TOX: variants seen among roughly 807,000 people sequenced by gnomAD.
TOX encodes the protein thymocyte selection-associated high mobility group box protein TOX.
Under a neutral mutation model 53.7 loss-of-function variants are expected in TOX, and 11 were observed. That is an observed-to-expected ratio of 0.20 (90% CI 0.13 to 0.34). The LOEUF is 0.34. Ranked by LOEUF, TOX falls within the 10% of genes least tolerant of loss-of-function variation. The pLI is 1.00. For synonymous variants in TOX, 225 were observed against 245.3 expected (o/e 0.92, Z 0.77); for missense variants, 570 against 664.6 (o/e 0.86, Z 1.56).
chr8:58,912,265 T>C (rs1486353037), intron 3 of TOX, among the ~76,000 whole-genome samples: 2 of 152,234 alleles, frequency 1.3e-5, no homozygotes, highest in African/African-American at 4.8e-5. Flanking sequence ...TCAGATAGGA[T>C]ATTTTGCCCT....
At chr8:59,015,149 G>T (rs2129418982) in intron 1 of TOX, among the ~76,000 whole-genome samples, 1 of 152,288 alleles carries the variant, frequency 6.6e-6, no homozygotes, top group African/African-American at 2.4e-5. Flanking sequence ...CCCTGGACGG[G>T]ACAGCCAGTC....
chr8:58,986,070 G>T (rs1813323234), intron 1 of TOX, among the ~76,000 whole-genome samples: 1 of 152,158 alleles, frequency 6.6e-6, no homozygotes, highest in Admixed American at 6.5e-5. Context: ...GTTCTAGTCT[G>T]AGTGCACTTT....
chr8:59,006,487 G>C (rs187524340), intron 1 of TOX, among the ~76,000 whole-genome samples: 2 of 152,238 alleles, frequency 1.3e-5, no homozygotes, highest in African/African-American at 2.4e-5. Flanking sequence ...GTTGTAATTA[G>C]GTACATGTTT....
intron 4 of TOX, among the ~76,000 whole-genome samples, chr8:58,841,241 C>T (rs560979352): frequency 2.0e-5 from 3 of 152,228 alleles, no homozygotes; most frequent in South Asian, 2.1e-4. Context: ...ATTCATAGCA[C>T]GTATCAAGCT....
At chr8:59,031,845 C>T (rs1814362864) in intron 1 of TOX, among the ~76,000 whole-genome samples, 1 of 152,022 alleles carries the variant, frequency 6.6e-6, no homozygotes, top group Non-Finnish European at 1.5e-5. Flanking sequence ...GAGAAAAATA[C>T]AAAATGAGAT....
rs563832861 is a variant in TOX at position 59,071,886 on chromosome 8, C to A, written c.102+47000G>T. 2.6e-5 allele frequency among the ~76,000 whole-genome samples: 4 copies of A among 152,240 alleles called. 1 individual carries two copies. In the South Asian group the frequency reaches 8.3e-4, roughly 32 times the overall value. ...AAAGGAAATTCCAATCATTTTAATTCTTCTATTTTCTTAAGTTTTCATGTT... is the reference window on the plus strand; with the variant it reads ...AAAGGAAATTCCAATCATTTTAATTATTCTATTTTCTTAAGTTTTCATGTT... On this transcript the variant is annotated intron_variant, in intron 1 of 8. Transcript: ENST00000361421.
chr8:59,052,101 G>A (rs1005800782), intron 1 of TOX, among the ~76,000 whole-genome samples: 2 of 152,072 alleles, frequency 1.3e-5, no homozygotes, highest in African/African-American at 4.8e-5. Flanking sequence ...GATGAGATCC[G>A]AATATATGAG....
At chr8:58,969,381 T>A (rs7841515) in intron 1 of TOX, among the ~76,000 whole-genome samples, 143,936 of 152,308 alleles carry the variant, frequency 0.95, 68,067 homozygotes, top group East Asian at 1. Flanking sequence ...AAGCTCTGTT[T>A]ACATATCTTT....
intron 3 of TOX, among the ~76,000 whole-genome samples, chr8:58,869,882 G>GA (rs138317126): frequency 0.016 from 2,394 of 146,860 alleles, 77 homozygotes; most frequent in East Asian, 0.12. Context: ...CACCATGCAT[G>GA]AAAAAAAAAA....
At chr8:58,905,425 C>T (rs554263247) in intron 3 of TOX, among the ~76,000 whole-genome samples, 12 of 152,194 alleles carry the variant, frequency 7.9e-5, no homozygotes, top group Middle Eastern at 3.4e-3. Context: ...TGAAAGGTGG[C>T]CTTTGGAAAA....
intron 1 of TOX, among the ~76,000 whole-genome samples, chr8:59,100,580 T>TAC (rs1461810242): frequency 6.6e-6 from 1 of 152,218 alleles, no homozygotes; most frequent in Non-Finnish European, 1.5e-5. Flanking sequence ...TAAGAAAATA[T>TAC]GAGATTCACG....
intron 4 of TOX, among the ~76,000 whole-genome samples, chr8:58,850,817 A>T (rs956420899): frequency 6.6e-6 from 1 of 152,220 alleles, no homozygotes; most frequent in Non-Finnish European, 1.5e-5. Context: ...AAAGTTAACC[A>T]TGTATATCAG....
intron 1 of TOX, among the ~76,000 whole-genome samples, chr8:59,046,651 A>C (rs1441391294): frequency 6.6e-6 from 1 of 152,112 alleles, no homozygotes; most frequent in Admixed American, 6.6e-5. Context: ...TGAAGTCCAG[A>C]GTTCAAGACC....
At chr8:59,048,933 T>G (rs1409185622) in intron 1 of TOX, among the ~76,000 whole-genome samples, 2 of 152,156 alleles carry the variant, frequency 1.3e-5, no homozygotes, top group East Asian at 3.8e-4. Context: ...TGAAATATGG[T>G]TATTGAAAAT....
At chr8:58,810,558 TC>T (rs928943445) in intron 7 of TOX, among the ~76,000 whole-genome samples, 4 of 151,210 alleles carry the variant, frequency 2.6e-5, no homozygotes, top group African/African-American at 7.3e-5. Context: ...TCGCCATATT[TC>T]CCAGGCTCAT....
At chr8:59,020,775 T>A (rs973729676) in intron 1 of TOX, among the ~76,000 whole-genome samples, 2 of 152,182 alleles carry the variant, frequency 1.3e-5, no homozygotes, top group Admixed American at 1.3e-4. Context: ...ATAAGTATAG[T>A]AAACTTCCCA....
At chr8:58,926,431 G>A (rs557860364) in intron 3 of TOX, among the ~76,000 whole-genome samples, 3 of 152,250 alleles carry the variant, frequency 2.0e-5, no homozygotes, top group African/African-American at 7.2e-5. Flanking sequence ...ATTCTTGAAC[G>A]GGAATGAAGA....
chr8:58,967,487 T>C (rs1245204553), intron 1 of TOX, among the ~76,000 whole-genome samples: 3 of 152,172 alleles, frequency 2.0e-5, no homozygotes, highest in Non-Finnish European at 2.9e-5. Context: ...ACTGTTCCCA[T>C]GTAGCCTCCA....
chr8:58,955,734 T>TC (rs1812699422), intron 2 of TOX, among the ~76,000 whole-genome samples: 1 of 126,106 alleles, frequency 7.9e-6, no homozygotes, highest in South Asian at 2.4e-4. Flanking sequence ...AAAGGACACT[T>TC]TTTTTTTTTT....
Sources: gnomAD v4.1 joint callset for allele counts (sites outside exome capture counted in the v4.1 genomes callset) on GRCh38, gnomAD v4.1.1 for gene constraint, MANE v1.5 for transcripts, NCBI Gene and HGNC (gene_info 2026-07-23, HGNC 2026-07-21) for gene names.